ANO1: variants seen among roughly 807,000 people sequenced by gnomAD.
The protein encoded by ANO1 is anoctamin-1.
Under a neutral mutation model 124.0 loss-of-function variants are expected in ANO1, and 59 were observed. That is an observed-to-expected ratio of 0.48 (90% CI 0.39 to 0.59). The LOEUF (loss-of-function observed/expected upper bound fraction) is 0.59. Ranked by LOEUF, ANO1 falls within the 20% of genes least tolerant of loss-of-function variation. The pLI, the probability that ANO1 is intolerant of heterozygous loss-of-function variation, is 0.00. For synonymous variants in ANO1, 529 were observed against 532.0 expected (o/e 0.99, Z 0.08); for missense variants, 1,059 against 1,328.0 (o/e 0.80, Z 3.15).
intron 8 of ANO1, among the ~76,000 whole-genome samples, chr11:70,123,265 C>A (rs1210026818): frequency 2.0e-5 from 3 of 152,202 alleles, no homozygotes; most frequent in Non-Finnish European, 4.4e-5. Flanking sequence ...CAGCAGCAGG[C>A]GGCCCCTCTA....
At chr11:69,991,367 G>A (rs872837) in intron 1 of ANO1, among the ~76,000 whole-genome samples, 49,473 of 152,008 alleles carry the variant, frequency 0.33, 8,194 homozygotes, top group Admixed American at 0.34. Context: ...GGACATTCAC[G>A]AGGAGACAGA....
At chr11:70,168,511 A>C (rs1367061451) in intron 21 of ANO1, among the ~76,000 whole-genome samples, 7 of 150,990 alleles carry the variant, frequency 4.6e-5, no homozygotes, top group Non-Finnish European at 8.8e-5. Context: ...CGGCAGCCTC[A>C]CCCTCTCTTG....
intron 1 of ANO1, among the ~76,000 whole-genome samples, chr11:70,082,985 A>G (rs2044248411): frequency 1.3e-5 from 2 of 152,198 alleles, no homozygotes; most frequent in Non-Finnish European, 2.9e-5. Context: ...CAAATCAGTG[A>G]CAGAGTCAGG....
chr11:69,977,161 G>A, the ANO1 span, among the ~76,000 whole-genome samples: 2 of 152,144 alleles, frequency 1.3e-5, no homozygotes, highest in East Asian at 3.9e-4. Context: ...AAGAGGGGGG[G>A]ACAGGTGTAG....
At chr11:70,152,618 C>T (rs902817610) in intron 13 of ANO1, among the ~76,000 whole-genome samples, 157 bp downstream of exon 13, 1 of 152,242 alleles carries the variant, frequency 6.6e-6, no homozygotes, top group East Asian at 1.9e-4. Context: ...CTCTCCTAAC[C>T]TGTTCTTTCC....
chr11:70,162,960 G>C (rs768295126), intron 18 of ANO1, among the ~76,000 whole-genome samples: 1 of 152,256 alleles, frequency 6.6e-6, no homozygotes, highest in Non-Finnish European at 1.5e-5. Flanking sequence ...GGCAGCTAGC[G>C]CAGCAGCTTG....
intron 2 of ANO1, among the ~76,000 whole-genome samples, chr11:70,089,996 TTTG>T (rs372634237): frequency 0.65 from 97,927 of 151,062 alleles, 33,591 homozygotes; most frequent in East Asian, 0.93. Flanking sequence ...CCAGGGTTTG[TTTG>T]TTTGTTTGTT....
intron 22 of ANO1, among the ~76,000 whole-genome samples, chr11:70,176,130 A>C (rs1190227668): frequency 6.7e-6 from 1 of 148,350 alleles, no homozygotes; most frequent in African/African-American, 2.5e-5. Context: ...GGCGACTTCC[A>C]GATTATGGGT....
intron 7 of ANO1, among the ~76,000 whole-genome samples, chr11:70,112,564 T>C (rs1299518301): frequency 6.6e-6 from 1 of 150,856 alleles, no homozygotes; most frequent in Admixed American, 6.6e-5. Context: ...TTTTTTTTTT[T>C]TTTTTTGAAA....
intron 1 of ANO1, among the ~76,000 whole-genome samples, chr11:70,004,074 C>T (rs1450119424): frequency 6.6e-6 from 1 of 152,156 alleles, no homozygotes; most frequent in Non-Finnish European, 1.5e-5. Context: ...AACCTCTTCC[C>T]AGTCCCCAGG....
At chr11:69,995,594 G>A (rs1856254434) in intron 1 of ANO1, among the ~76,000 whole-genome samples, 1 of 152,068 alleles carries the variant, frequency 6.6e-6, no homozygotes. Context: ...GAGAAGTGCT[G>A]GTCAGGTCTT....
chr11:70,043,767 A>G (rs1857215810), intron 1 of ANO1, among the ~76,000 whole-genome samples: 1 of 152,190 alleles, frequency 6.6e-6, no homozygotes, highest in Non-Finnish European at 1.5e-5. Context: ...TTACAGAAGA[A>G]CAAAATCTGA....
At chr11:70,086,505 C>T (rs927259955) in intron 1 of ANO1, among the ~76,000 whole-genome samples, 2 of 152,218 alleles carry the variant, frequency 1.3e-5, no homozygotes, top group African/African-American at 4.8e-5. Context: ...CACCCCAGGG[C>T]ACCCACCAGC....
chr11:70,182,816 G>GA (rs113563814), intron 24 of ANO1, 130 bp downstream of exon 24: 31,210 of 667,710 alleles, frequency 0.047, no homozygotes, highest in South Asian at 0.052. Flanking sequence ...GAAGAAGAAG[G>GA]AAAAAAAAAA....
At chr11:70,052,605 T>C (rs1857370170) in intron 1 of ANO1, among the ~76,000 whole-genome samples, 1 of 139,688 alleles carries the variant, frequency 7.2e-6, no homozygotes. Flanking sequence ...CAGGCTGGAG[T>C]GCAATGGCGC....
intron 1 of ANO1, among the ~76,000 whole-genome samples, chr11:70,025,273 T>C (rs1591041649): frequency 6.6e-6 from 1 of 152,220 alleles, no homozygotes; most frequent in East Asian, 1.9e-4. Context: ...TAGTGAGGGT[T>C]AGACAGTAGC....
In ANO1 at chr11:70,095,328, AGAAAG is replaced by A. The variant is rs1447116614; in HGVS notation, c.441+7250_441+7254del. ...AGAAAGAAAGAAAGAAAGGAAAGAA[AGAAAG>A]GAAAGAGAAAGAAAAAGAAAGAAAG... On this transcript the variant is annotated intron_variant, in intron 2 of 25. Coordinates refer to ENST00000355303, the MANE Select transcript of ANO1 (RefSeq NM_018043.7). Among the ~76,000 whole-genome samples, 3 of 124,486 alleles carry A rather than the reference AGAAAG, an allele frequency of 2.4e-5. No individual in the cohort carries two copies. The East Asian group carries it at 8.3e-4, about 34-fold the overall frequency. 81.7% of individuals were successfully genotyped at this position (124,486 alleles called of 152,430 possible).
intron 1 of ANO1, among the ~76,000 whole-genome samples, chr11:70,071,469 C>T (rs1282023150): frequency 1.3e-5 from 2 of 152,206 alleles, no homozygotes; most frequent in African/African-American, 4.8e-5. Context: ...TGTAGCTAAG[C>T]AGTCCAGCCT....
chr11:70,130,610 T>G (rs1403260154), intron 10 of ANO1, among the ~76,000 whole-genome samples: 1 of 152,164 alleles, frequency 6.6e-6, no homozygotes, highest in Non-Finnish European at 1.5e-5. Flanking sequence ...TTTTCTAATA[T>G]TAGTGGGAGT....
Sources: allele counts gnomAD v4.1 joint callset (sites outside exome capture counted in the v4.1 genomes callset), GRCh38; gene constraint gnomAD v4.1.1; transcripts MANE v1.5; gene names NCBI Gene and HGNC (gene_info 2026-07-23, HGNC 2026-07-21).